The following AGBL1 variants were observed in gnomAD, a reference collection of about 807,000 sequenced individuals.
AGBL1 encodes the protein cytosolic carboxypeptidase 4.
AGBL1 carries 130 observed loss-of-function variants against 118.9 expected under a neutral mutation model. The observed-to-expected ratio is 1.09, with a 90% CI of 0.95 to 1.26. The LOEUF is 1.26. Among genes scored for constraint, AGBL1 ranks in the 50% most tolerant of loss-of-function variants. The pLI is 0.00. For synonymous variants in AGBL1, 555 were observed against 478.9 expected, an observed-to-expected ratio of 1.16 and a Z score of -2.08; for missense variants, 1,584 against 1,298.1, an observed-to-expected ratio of 1.22 and a Z score of -3.38.
chr15:86,758,926 T>C (rs1289397206), intron 22 of AGBL1, among the ~76,000 whole-genome samples: 1 of 139,412 alleles, frequency 7.2e-6, no homozygotes. Flanking sequence ...TAAGTGGAGA[T>C]TGCACCATGG....
intron 23 of AGBL1, among the ~76,000 whole-genome samples, chr15:86,980,134 G>C (rs939760191): frequency 6.6e-6 from 1 of 151,998 alleles, no homozygotes; most frequent in African/African-American, 2.4e-5. Flanking sequence ...TGCCCTCCTA[G>C]AGCAGCAACT....
At chr15:86,241,738 T>C (rs1275208438) in intron 6 of AGBL1, among the ~76,000 whole-genome samples, 5 of 152,202 alleles carry the variant, frequency 3.3e-5, no homozygotes, top group Admixed American at 6.5e-5. Context: ...TACTATCACA[T>C]TGACAACACC....
intron 23 of AGBL1, among the ~76,000 whole-genome samples, chr15:86,972,215 C>T (rs1392189780): frequency 6.6e-6 from 1 of 152,038 alleles, no homozygotes; most frequent in Non-Finnish European, 1.5e-5. Context: ...GATTACCACT[C>T]TGTGAGCCCT....
intron 6 of AGBL1, among the ~76,000 whole-genome samples, chr15:86,237,571 C>T (rs563046966): frequency 3.2e-4 from 48 of 152,226 alleles, no homozygotes; most frequent in African/African-American, 1.1e-3. Flanking sequence ...AAAGTCAAAC[C>T]AGGTGGAAGA....
chr15:86,463,467 G>T (rs546785122), intron 18 of AGBL1, among the ~76,000 whole-genome samples: 1 of 151,954 alleles, frequency 6.6e-6, no homozygotes, highest in African/African-American at 2.4e-5. Context: ...GTCAATTTTG[G>T]CTTTTGTTGC....
At chr15:86,848,025 T>C (rs1424063190) in intron 22 of AGBL1, among the ~76,000 whole-genome samples, 1 of 152,162 alleles carries the variant, frequency 6.6e-6, no homozygotes, top group African/African-American at 2.4e-5. Flanking sequence ...TGCTGCTTAG[T>C]GTGGGGTGTT....
At chr15:86,973,489 T>C (rs2081132331) in intron 23 of AGBL1, among the ~76,000 whole-genome samples, 1 of 152,074 alleles carries the variant, frequency 6.6e-6, no homozygotes, top group East Asian at 1.9e-4. Flanking sequence ...AGGGAACTAG[T>C]TCCTCCCAAG....
intron 22 of AGBL1, among the ~76,000 whole-genome samples, chr15:86,886,593 G>A (rs1396894567): frequency 6.6e-6 from 1 of 152,182 alleles, no homozygotes; most frequent in African/African-American, 2.4e-5. Context: ...ATGTGTCTCT[G>A]GCTTCTAAGG....
intron 22 of AGBL1, among the ~76,000 whole-genome samples, chr15:86,866,660 C>A (rs981260077): frequency 1.1e-4 from 17 of 152,148 alleles, no homozygotes; most frequent in African/African-American, 3.4e-4. Context: ...TCAAGACCAG[C>A]CTGGCCAACA....
chr15:86,654,482 C>G (rs1209683195), intron 21 of AGBL1, among the ~76,000 whole-genome samples: 2 of 152,108 alleles, frequency 1.3e-5, no homozygotes, highest in Non-Finnish European at 2.9e-5. Context: ...CACTCTTTAC[C>G]CATGGCCCTG....
chr15:86,277,527 A>G (rs2079276938), intron 15 of AGBL1, among the ~76,000 whole-genome samples: 3 of 152,182 alleles, frequency 2.0e-5, no homozygotes, highest in Admixed American at 2.0e-4. Context: ...GGGAAAGAAC[A>G]TAGAGATAAA....
chr15:86,790,724 T>C (rs191744614), intron 22 of AGBL1, among the ~76,000 whole-genome samples: 132 of 152,230 alleles, frequency 8.7e-4, no homozygotes, highest in African/African-American at 3.1e-3. Flanking sequence ...TCCCTCTTCA[T>C]CTTGTGTGCC....
intron 22 of AGBL1, among the ~76,000 whole-genome samples, chr15:86,828,339 A>G (rs1219669568): frequency 6.6e-6 from 1 of 152,146 alleles, no homozygotes; most frequent in Non-Finnish European, 1.5e-5. Context: ...TCAGAAATCT[A>G]TAAATTTTAA....
intron 1 of AGBL1, among the ~76,000 whole-genome samples, chr15:86,100,939 G>A (rs942662362): frequency 6.6e-6 from 1 of 151,852 alleles, no homozygotes; most frequent in African/African-American, 2.4e-5. Flanking sequence ...TGCTTTTCTA[G>A]TTGTTTCATG....
At chr15:86,879,675 G>A (rs2141527561) in intron 22 of AGBL1, among the ~76,000 whole-genome samples, 1 of 152,306 alleles carries the variant, frequency 6.6e-6, no homozygotes, top group South Asian at 2.1e-4. Flanking sequence ...CCTTTGGCTT[G>A]ATGTTCCAGA....
At chr15:86,357,819 T>C (rs10520623) in intron 17 of AGBL1, among the ~76,000 whole-genome samples, 4,431 of 152,266 alleles carry the variant, frequency 0.029, 124 homozygotes, top group Admixed American at 0.092. Flanking sequence ...TTGGCATTTC[T>C]GCTTCCCCAA....
chr15:86,742,249 C>T (rs1414857534), intron 22 of AGBL1, among the ~76,000 whole-genome samples: 2 of 152,044 alleles, frequency 1.3e-5, no homozygotes, highest in Non-Finnish European at 2.9e-5. Context: ...TTTTATGAGC[C>T]CCTACAAATG....
intron 23 of AGBL1, among the ~76,000 whole-genome samples, chr15:86,957,845 C>T (rs1225735449): frequency 6.6e-6 from 1 of 151,856 alleles, no homozygotes; most frequent in East Asian, 1.9e-4. Flanking sequence ...ATTTTAAGAG[C>T]TTAACTCTAA....
intron 15 of AGBL1, among the ~76,000 whole-genome samples, chr15:86,274,886 A>G (rs1333027735): frequency 6.6e-6 from 1 of 152,116 alleles, no homozygotes; most frequent in African/African-American, 2.4e-5. Context: ...GCCTGTGGTC[A>G]GTTGATCACC....
Sources: gnomAD v4.1 joint callset for allele counts (sites outside exome capture counted in the v4.1 genomes callset) on GRCh38, gnomAD v4.1.1 for gene constraint, MANE v1.5 for transcripts, NCBI Gene and HGNC (gene_info 2026-07-23, HGNC 2026-07-21) for gene names.